Variants in AVEN observed in about 807,000 individuals in gnomAD.
AVEN encodes the protein apoptosis and caspase activation inhibitor, also known as cell death regulator Aven.
Under a neutral mutation model 38.1 loss-of-function variants are expected in AVEN, and 41 were observed. The ratio of observed to expected loss-of-function variants is 1.08; its 90% CI spans 0.84 to 1.40. The LOEUF (loss-of-function observed/expected upper bound fraction) is 1.40. Ranked by LOEUF, AVEN falls within the 40% of genes most tolerant of loss-of-function variation. AVEN has a pLI of 0.00. For missense variants in AVEN, 605 were observed against 438.8 expected (o/e 1.38, Z -3.38); for synonymous variants, 206 against 171.8 (o/e 1.20, Z -1.56).
At chr15:33,992,439 G>C (rs956365777) in intron 2 of AVEN, among the ~76,000 whole-genome samples, 2 of 152,056 alleles carry the variant, frequency 1.3e-5, no homozygotes, top group Non-Finnish European at 2.9e-5. Context: ...TCAATATTCA[G>C]CTACAAGGAA....
chr15:33,874,875 C>T (rs938194443), intron 3 of AVEN, among the ~76,000 whole-genome samples: 3 of 152,198 alleles, frequency 2.0e-5, no homozygotes, highest in African/African-American at 7.2e-5. Context: ...GTAAATTGTT[C>T]GGCTTCTACC....
intron 3 of AVEN, among the ~76,000 whole-genome samples, chr15:33,874,926 T>A (rs1891155720): frequency 6.6e-6 from 1 of 152,250 alleles, no homozygotes; most frequent in Non-Finnish European, 1.5e-5. Context: ...CCTAGAATAC[T>A]AAACAGTACC....
intron 2 of AVEN, among the ~76,000 whole-genome samples, chr15:33,890,190 AT>A (rs1891880461): frequency 1.3e-5 from 2 of 152,166 alleles, no homozygotes; most frequent in Non-Finnish European, 2.9e-5. Context: ...TCTGAGGTAT[AT>A]AGTGATCTTA....
chr15:34,044,168 G>A (rs1899595355), upstream of AVEN, among the ~76,000 whole-genome samples: 1 of 150,762 alleles, frequency 6.6e-6, no homozygotes, highest in African/African-American at 2.4e-5. Context: ...CCTTTTTATA[G>A]CAAAGTTCCT....
intron 1 of AVEN, among the ~76,000 whole-genome samples, chr15:34,010,216 T>C (rs545453752): frequency 5.9e-5 from 9 of 152,292 alleles, no homozygotes; most frequent in Admixed American, 4.6e-4. Context: ...TTACAATAAA[T>C]AAACAATAAT....
chr15:33,892,308 AT>A (rs1447649713), intron 2 of AVEN, among the ~76,000 whole-genome samples: 8 of 152,138 alleles, frequency 5.3e-5, no homozygotes, highest in Non-Finnish European at 1.0e-4. Context: ...GCCCATGCCT[AT>A]GTCCTGAATG....
In AVEN at chr15:33,859,548, T is replaced by G. The variant is rs1403688244; in HGVS notation, n.2730-454A>C. 39 of 1,613,042 alleles carry G rather than the reference T, an allele frequency of 2.4e-5. No individual in the cohort carries two copies. In the Admixed American group the frequency reaches 6.3e-4, roughly 26 times the overall value. On this transcript the variant is annotated intron_variant and non_coding_transcript_variant, in intron 11 of 11. Transcript: ENST00000675287. ...TAAAAACAGAACTGTGACTTTTGCC[T>G]AAATCCCCCTTATTTTTCTTCTCTA... is the stretch of plus-strand genomic sequence containing the variant.
At chr15:33,901,210 T>G (rs1222057462) in intron 2 of AVEN, among the ~76,000 whole-genome samples, 1 of 152,146 alleles carries the variant, frequency 6.6e-6, no homozygotes, top group East Asian at 1.9e-4. Context: ...GAGCTTGCAG[T>G]GAGCGGAGAT....
intron 11 of AVEN, chr15:33,860,519 G>GT (rs1489789054): frequency 1.2e-6 from 1 of 814,338 alleles, no homozygotes; most frequent in African/African-American, 1.7e-5. Context: ...ACAGAACAAA[G>GT]TAGCTTCTTC....
chr15:33,857,175 A>G (rs1355489305), downstream of AVEN, among the ~76,000 whole-genome samples: 1 of 152,126 alleles, frequency 6.6e-6, no homozygotes, highest in Non-Finnish European at 1.5e-5. Context: ...ACAGACTGCT[A>G]TTTTGTTAAA....
chr15:33,969,907 C>A, intron 2 of AVEN, among the ~76,000 whole-genome samples: 1 of 151,954 alleles, frequency 6.6e-6, no homozygotes, highest in Non-Finnish European at 1.5e-5. Context: ...TTAAGAAATT[C>A]CCTAGAAATC....
chr15:33,956,947 GT>G lies in AVEN; in HGVS notation c.445+46084del, dbSNP rs530872919. 5.8e-3 allele frequency among the ~76,000 whole-genome samples: 881 copies of G among 152,004 alleles called. 6 individuals carry two copies. The highest frequency in any genetic ancestry group is 0.02 in the African/African-American group (841 of 41,486). On this transcript the variant is annotated intron_variant, in intron 2 of 5. Coordinates refer to ENST00000306730, the MANE Select transcript of AVEN (RefSeq NM_020371.3). ...CCCCAGTGATGTGAAATGTTCGGGA[GT>G]TTTTTTTGGGTTTTTTGGTTTATGT...
At position 34,063,824 on chromosome 15, in the gene AVEN, T is replaced by A. The variant is rs1900434067; in HGVS notation, n.1127-392A>T. The A allele has an allele frequency of 6.2e-7, 1 of 1,614,190 alleles. No individual in the cohort carries two copies. Among genetic ancestry groups the A allele is most frequent in the Non-Finnish European group, 8.5e-7 (1 of 1,180,026 alleles). ...ACCTTCTGTCTCCAGCAGCTGCTCA[T>A]AGACCCAAGAGTCAGAAATGTGTGG... On this transcript the variant is annotated intron_variant and non_coding_transcript_variant, in intron 4 of 11. Transcript: ENST00000675287. The surrounding 1 kb of genome is among the most constrained non-coding windows in gnomAD (Gnocchi z 4.1).
At chr15:33,864,884 T>A, downstream of AVEN, 1 of 460,434 alleles carries the variant, frequency 2.2e-6, no homozygotes, top group South Asian at 4.1e-5. Context: ...CATTGATTGG[T>A]TTCAGTTTTG....
intron 2 of AVEN, among the ~76,000 whole-genome samples, chr15:33,937,390 G>C (rs910947920): frequency 1.3e-5 from 2 of 151,512 alleles, no homozygotes; most frequent in Non-Finnish European, 1.5e-5. Flanking sequence ...AAAATTAGCC[G>C]GGCGTGGTGG....
At chr15:33,940,167 T>C (rs1894258894) in intron 2 of AVEN, among the ~76,000 whole-genome samples, 1 of 152,210 alleles carries the variant, frequency 6.6e-6, no homozygotes, top group African/African-American at 2.4e-5. Context: ...TATTTTGTTA[T>C]AGCAGCCTAA....
intron 1 of AVEN, among the ~76,000 whole-genome samples, chr15:34,036,092 A>T (rs1296834314): frequency 1.3e-5 from 2 of 148,336 alleles, no homozygotes; most frequent in Non-Finnish European, 3.0e-5. Flanking sequence ...CACCACACCC[A>T]GCCAGTTTTG....
chr15:33,911,710 C>T (rs1037930944), intron 2 of AVEN, among the ~76,000 whole-genome samples: 2 of 151,984 alleles, frequency 1.3e-5, no homozygotes, highest in African/African-American at 4.8e-5. Flanking sequence ...ATTATTTAAG[C>T]ATTAAAAAGT....
intron 2 of AVEN, among the ~76,000 whole-genome samples, chr15:33,933,516 C>T (rs1054757178): frequency 7.5e-5 from 9 of 120,052 alleles, no homozygotes; most frequent in Non-Finnish European, 1.6e-4. Context: ...CACACACACA[C>T]ACACACACAG....
Sources: allele counts gnomAD v4.1 joint callset (sites outside exome capture counted in the v4.1 genomes callset), GRCh38; gene constraint gnomAD v4.1.1; non-coding constraint Gnocchi (gnomAD v3.1); transcripts MANE v1.5; gene names NCBI Gene and HGNC (gene_info 2026-07-23, HGNC 2026-07-21).